ART3: variants seen among roughly 807,000 people sequenced by gnomAD.
ART3 encodes the protein ecto-ADP-ribosyltransferase 3.
In ART3, 49 loss-of-function variants were observed where a neutral mutation model predicts 48.5. The ratio of observed to expected loss-of-function variants is 1.01; its 90% CI spans 0.80 to 1.28. ART3 has a LOEUF of 1.28. Ranked by LOEUF, ART3 falls within the 50% of genes most tolerant of loss-of-function variation. The pLI is 0.00. For missense variants in ART3, 438 were observed against 454.3 expected, an observed-to-expected ratio of 0.96 and a Z score of 0.33; for synonymous variants, 145 against 157.2, an observed-to-expected ratio of 0.92 and a Z score of 0.58.
intron 3 of ART3, among the ~76,000 whole-genome samples, chr4:76,094,394 T>A (rs924667063): frequency 1.3e-5 from 2 of 152,264 alleles, no homozygotes; most frequent in African/African-American, 2.4e-5. Context: ...TGTATTTTCC[T>A]GCTTCTTTGC....
At position 76,028,153 on chromosome 4, in the gene ART3, T is replaced by C. The variant is rs952479816; in HGVS notation, c.-10+16833T>C. Among the ~76,000 whole-genome samples, 3 of 142,980 alleles carry C rather than the reference T, an allele frequency of 2.1e-5. No individual in the cohort carries two copies. In the South Asian group the frequency reaches 6.9e-4, roughly 33 times the overall value. 93.8% of individuals were successfully genotyped at this position (142,980 alleles called of 152,430 possible). A position where few individuals can be genotyped will look rare whatever the true frequency, so the allele number is the denominator to read the frequency against. On this transcript the variant is annotated intron_variant, in intron 1 of 9. Coordinates refer to the ART3 transcript ENST00000341029. ...CAGGGTAGAAACCTGACAAATGTGA[T>C]CAACATGGAAAATCATTTAGAAAAA...
At chr4:76,020,195 T>C (rs144746868) in intron 1 of ART3, among the ~76,000 whole-genome samples, 304 of 152,072 alleles carry the variant, frequency 2.0e-3, no homozygotes, top group Admixed American at 6.7e-3. Context: ...GGTGCAGTCA[T>C]AGCTCACTGT....
At chr4:76,020,507 G>A (rs1732698666) in intron 1 of ART3, among the ~76,000 whole-genome samples, 1 of 152,204 alleles carries the variant, frequency 6.6e-6, no homozygotes, top group Non-Finnish European at 1.5e-5. Flanking sequence ...GGATGTGGGA[G>A]GAGAGGAAGA....
intron 1 of ART3, among the ~76,000 whole-genome samples, chr4:76,038,850 G>A (rs1309259034): frequency 6.6e-6 from 1 of 152,038 alleles, no homozygotes; most frequent in Non-Finnish European, 1.5e-5. Context: ...AGCCTCCCAA[G>A]TAGCTGGGAT....
intron 8 of ART3, 113 bp downstream of exon 8, chr4:76,101,132 C>A: frequency 7.7e-7 from 1 of 1,292,442 alleles, no homozygotes; most frequent in Non-Finnish European, 1.1e-6. Context: ...GCAGAGCTCA[C>A]CTTAGCTTAC....
intron 10 of ART3, chr4:76,106,512 C>A (rs10009108): frequency 0.49 from 112,364 of 229,752 alleles, 30,290 homozygotes; most frequent in African/African-American, 0.79. Flanking sequence ...AGTTTATCAG[C>A]GGCTTGGACT....
At chr4:76,103,901 T>G in intron 8 of ART3, 36 bp from the exon 9 acceptor site, 1 of 1,579,388 alleles carries the variant, frequency 6.3e-7, no homozygotes, top group Non-Finnish European at 8.7e-7. Flanking sequence ...ATAAGATAAC[T>G]GATTAATACA....
At chr4:76,074,472 G>A (rs1335739182), upstream of ART3, among the ~76,000 whole-genome samples, 2 of 152,270 alleles carry the variant, frequency 1.3e-5, no homozygotes, top group East Asian at 3.9e-4. Flanking sequence ...GGAATGGGAA[G>A]TCATTTCTCT....
At chr4:76,090,081 AAAAT>A (rs372092142) in intron 3 of ART3, among the ~76,000 whole-genome samples, 14 of 152,308 alleles carry the variant, frequency 9.2e-5, no homozygotes, top group African/African-American at 3.1e-4. Context: ...ACTCCATCTT[AAAAT>A]AAATAAATAA....
At chr4:76,051,861 G>A (rs1736125864) in intron 1 of ART3, among the ~76,000 whole-genome samples, 1 of 148,784 alleles carries the variant, frequency 6.7e-6, no homozygotes, top group Admixed American at 6.7e-5. Flanking sequence ...TTTTAAATAA[G>A]GATGTTTCTG....
intron 1 of ART3, among the ~76,000 whole-genome samples, chr4:76,051,241 C>T (rs1188292667): frequency 6.6e-6 from 1 of 152,038 alleles, no homozygotes; most frequent in African/African-American, 2.4e-5. Context: ...AGTATAGTAC[C>T]TGATGCTGTT....
At chr4:76,034,340 T>C (rs969261639) in intron 1 of ART3, 6 of 403,950 alleles carry the variant, frequency 1.5e-5, no homozygotes, top group Admixed American at 8.8e-5. Flanking sequence ...GATAGTAATA[T>C]AGCATAAAGA....
At chr4:76,032,998 C>G (rs1238304975) in intron 1 of ART3, among the ~76,000 whole-genome samples, 1 of 151,640 alleles carries the variant, frequency 6.6e-6, no homozygotes, top group Non-Finnish European at 1.5e-5. Context: ...TATCTATAAC[C>G]TATATAATAA....
rs146902368 is a variant in ART3 at position 76,051,616 on chromosome 4, C to T, written c.-9-24265C>T. Among the ~76,000 whole-genome samples, 1,101 of 151,734 alleles carry T rather than the reference C, an allele frequency of 7.3e-3. 27 individuals carry two copies. Among genetic ancestry groups the T allele is most frequent in the Admixed American group, 0.045 (694 of 15,254 alleles). ...GTGCAATGGCGTGATCTCGGCTGAC[C>T]GCAGTATCTGCCTCCCGGGCACAAA... On this transcript the variant is annotated intron_variant, in intron 1 of 9. Transcript: ENST00000341029.
At chr4:76,049,032 T>A (rs893000111) in intron 1 of ART3, among the ~76,000 whole-genome samples, 10 of 151,994 alleles carry the variant, frequency 6.6e-5, no homozygotes, top group African/African-American at 2.4e-4. Context: ...AGGCTCCCCA[T>A]ATCCTAGCTT....
At chr4:76,108,852 AAC>A (rs990748823) in intron 11 of ART3, among the ~76,000 whole-genome samples, 6 of 152,196 alleles carry the variant, frequency 3.9e-5, no homozygotes, top group Non-Finnish European at 8.8e-5. Context: ...AGGCAGCGGT[AAC>A]ACAGTGGTAA....
chr4:76,017,772 A>T (rs1169750871), intron 1 of ART3, among the ~76,000 whole-genome samples: 3 of 152,170 alleles, frequency 2.0e-5, no homozygotes, highest in Non-Finnish European at 4.4e-5. Flanking sequence ...AACCACTAGG[A>T]TGGGTGATTC....
intron 3 of ART3, among the ~76,000 whole-genome samples, chr4:76,087,392 A>G (rs1723842321): frequency 6.6e-6 from 1 of 152,180 alleles, no homozygotes; most frequent in Non-Finnish European, 1.5e-5. Context: ...GAAAGTCAGG[A>G]TCAAAAACTC....
chr4:76,088,044 C>T (rs1248667896), intron 3 of ART3, among the ~76,000 whole-genome samples: 1 of 152,026 alleles, frequency 6.6e-6, no homozygotes, highest in Non-Finnish European at 1.5e-5. Flanking sequence ...GCCTGGGCAA[C>T]ATAATGAGAC....
Sources: allele counts gnomAD v4.1 joint callset (sites outside exome capture counted in the v4.1 genomes callset), GRCh38; gene constraint gnomAD v4.1.1; transcripts MANE v1.5; gene names NCBI Gene and HGNC (gene_info 2026-07-23, HGNC 2026-07-21).